The following PAPOLG variants were observed in gnomAD, a reference collection of about 807,000 sequenced individuals.
PAPOLG encodes poly(A) polymerase gamma, also known as PAP-gamma.
Under a neutral mutation model 99.0 loss-of-function variants are expected in PAPOLG, and 40 were observed. That is an observed-to-expected ratio of 0.40 (90% CI 0.31 to 0.53). The LOEUF (loss-of-function observed/expected upper bound fraction) is 0.53, where lower values mean the gene tolerates loss of function less well. Ranked by LOEUF, PAPOLG falls within the 20% of genes least tolerant of loss-of-function variation. The pLI is 0.41. For synonymous variants in PAPOLG, 310 were observed against 299.3 expected, an observed-to-expected ratio of 1.04 and a Z score of -0.37; for missense variants, 675 against 884.1, an observed-to-expected ratio of 0.76 and a Z score of 3.00.
At chr2:60,780,811 C>G in intron 10 of PAPOLG, 32 bp downstream of exon 10, 1 of 1,521,050 alleles carries the variant, frequency 6.6e-7, no homozygotes. Context: ...TTCTTTAAAG[C>G]TTTTAAGGAA....
At position 60,799,367 on chromosome 2, in the gene PAPOLG, A is replaced by G. The variant is rs1233155257; in HGVS notation, c.*2207A>G. 1 of 152,392 alleles carries G rather than the reference A, an allele frequency of 6.6e-6. No homozygotes were observed. The highest frequency in any genetic ancestry group is 1.5e-5 in the Non-Finnish European group (1 of 68,046). The allele number at this position is 152,392 out of a possible 1,614,324, so 9.4% of individuals were successfully genotyped here. On this transcript the variant is annotated 3_prime_UTR_variant, in exon 22 of 22. Coordinates refer to ENST00000238714, the MANE Select transcript of PAPOLG (RefSeq NM_022894.4). ...CCATTCAACATGTCAATGAGTCAAC[A>G]TTAGAGTCCTCAAAGATAGCATTCT... is the stretch of plus-strand genomic sequence containing the variant.
chr2:60,783,450 C>G (rs542404505), intron 13 of PAPOLG, among the ~76,000 whole-genome samples: 1 of 144,672 alleles, frequency 6.9e-6, no homozygotes, highest in African/African-American at 2.6e-5. Flanking sequence ...ATCCGCCCAC[C>G]TCAGCCTCCC....
chr2:60,768,699 T>C, intron 4 of PAPOLG, 82 bp from the exon 5 acceptor site: 2 of 1,377,802 alleles, frequency 1.5e-6, no homozygotes, highest in Admixed American at 2.5e-5. Flanking sequence ...CCATACTTTC[T>C]TCTGTACATA....
rs113662709 is a variant in PAPOLG, at chr2:60,774,589, C to T, written c.605-445C>T. Among the ~76,000 whole-genome samples the T allele has an allele frequency of 2.1e-3, 313 of 152,220 alleles. 1 individual carries two copies. The highest frequency in any genetic ancestry group is 7.1e-3 in the African/African-American group (295 of 41,532). On this transcript the variant is annotated intron_variant, in intron 7 of 21. Transcript: ENST00000238714. ...CCATTTTGGCCAGACTGGTCTCGAG[C>T]GCCTGACCTCAGGTGATCCACCCAC...
chr2:60,773,269 A>G (rs1477214080), intron 7 of PAPOLG, among the ~76,000 whole-genome samples: 1 of 152,126 alleles, frequency 6.6e-6, no homozygotes, highest in Non-Finnish European at 1.5e-5. Context: ...AGAATATTTT[A>G]TCACCCTCAA....
In PAPOLG at chr2:60,796,208, CTTTTTTTTTTTTTT is replaced by C. The variant is rs66526788; in HGVS notation, c.2113-841_2113-828del. ...TTACAGAAGTCTAGATTTTGCCTTC[CTTTTTTTTTTTTTT>C]TTTTTTTTTTTTGGACATGGAGGCT... On this transcript the variant is annotated intron_variant, in intron 21 of 21. Transcript: ENST00000238714. Among the ~76,000 whole-genome samples the C allele has an allele frequency of 1.1e-4, 12 of 110,336 alleles. No individual in the cohort carries two copies. The East Asian group carries it at 3.0e-3, about 28-fold the overall frequency. 72.4% of individuals were successfully genotyped at this position (110,336 alleles called of 152,430 possible). A position where few individuals can be genotyped will look rare whatever the true frequency, so the allele number is the denominator to read the frequency against.
chr2:60,780,898 T>C, intron 10 of PAPOLG, 119 bp downstream of exon 10: 1 of 813,628 alleles, frequency 1.2e-6, no homozygotes, highest in Non-Finnish European at 2.0e-6. Flanking sequence ...ATAACTATAG[T>C]CCCCTTCCTC....
intron 11 of PAPOLG, 114 bp from the exon 12 acceptor site, chr2:60,782,572 A>C: frequency 1.5e-6 from 2 of 1,349,612 alleles, no homozygotes; most frequent in Non-Finnish European, 1.9e-6. Flanking sequence ...AAGAAAAAAA[A>C]AAATTTCGTC....
intron 15 of PAPOLG, 99 bp from the exon 16 acceptor site, chr2:60,791,662 T>A: frequency 7.0e-7 from 1 of 1,429,218 alleles, no homozygotes; most frequent in Non-Finnish European, 9.4e-7. Context: ...CCGGTGGTGA[T>A]AGTGGGGAGA....
In PAPOLG at chr2:60,769,029, A is replaced by G. The variant is rs546406318; in HGVS notation, c.438+139A>G. On this transcript the variant is annotated intron_variant, in intron 5 of 21. Coordinates refer to ENST00000238714, the MANE Select transcript of PAPOLG (RefSeq NM_022894.4). ...ATAAGAGTAGCTTTAATAAGTGATG[A>G]TTAAATCATGATTAAGAACATGGGC... The G allele has an allele frequency of 1.5e-5, 10 of 680,792 alleles. No individual in the cohort carries two copies. In the African/African-American group the frequency reaches 1.5e-4, roughly 10 times the overall value. The allele number at this position is 680,792 out of a possible 1,614,324, so 42.2% of individuals were successfully genotyped here. A position where few individuals can be genotyped will look rare whatever the true frequency, so the allele number is the denominator to read the frequency against.
chr2:60,780,923 TTTG>T, intron 10 of PAPOLG, 144 bp downstream of exon 10: 1 of 676,228 alleles, frequency 1.5e-6, no homozygotes, highest in Admixed American at 2.9e-5. Context: ...TGCTGTGGTT[TTTG>T]TTTTGTTTTT....
chr2:60,761,841 T>C (rs965088699), intron 3 of PAPOLG, 34 bp downstream of exon 3: 1 of 1,451,780 alleles, frequency 6.9e-7, no homozygotes. Flanking sequence ...TTCTTGTTTT[T>C]ATTATATCTT....
intron 5 of PAPOLG, 53 bp downstream of exon 5, chr2:60,768,943 T>C: frequency 1.5e-6 from 2 of 1,327,900 alleles, no homozygotes; most frequent in Non-Finnish European, 1.0e-6. Flanking sequence ...AACAAATATC[T>C]ATAAAAACTA....
At chr2:60,789,977 C>G (rs185772726) in intron 15 of PAPOLG, among the ~76,000 whole-genome samples, 2 of 152,226 alleles carry the variant, frequency 1.3e-5, no homozygotes, top group Non-Finnish European at 2.9e-5. Context: ...GCCTGTAATC[C>G]CAGCTATTCC....
intron 7 of PAPOLG, among the ~76,000 whole-genome samples, chr2:60,773,461 T>G (rs1573231452): frequency 6.6e-6 from 1 of 152,218 alleles, no homozygotes; most frequent in East Asian, 1.9e-4. Context: ...TATCTGTATT[T>G]GTTCCGTTTT....
chr2:60,768,498 T>C lies in PAPOLG; in HGVS notation c.275T>C (p.Val92Ala). ...CTCCCACCTTCTGTTGTGGCTACTG[T>C]TGGTGGTAAAATTTTCACATTTGGA... ...KNLPPSVVAT[V>A]GGKIFTFGSY... The change falls in exon 4 of 22, where the codon GTT (valine) becomes GCT (alanine). Residue 92 changes from valine (V) to alanine (A), a missense_variant. Transcript: ENST00000238714. 6.2e-7 allele frequency: 1 copy of C among 1,614,066 alleles called. No individual in the cohort carries two copies. The highest frequency in any genetic ancestry group is 1.1e-5 in the South Asian group (1 of 91,082).
chr2:60,765,694 A>G (rs918000248), intron 3 of PAPOLG, among the ~76,000 whole-genome samples: 4 of 152,218 alleles, frequency 2.6e-5, no homozygotes, highest in Non-Finnish European at 5.9e-5. Flanking sequence ...GGCTGTGGCA[A>G]ACTGATTTAG....
intron 1 of PAPOLG, among the ~76,000 whole-genome samples, chr2:60,758,595 T>A (rs1163102176): frequency 6.6e-6 from 1 of 151,886 alleles, no homozygotes; most frequent in Non-Finnish European, 1.5e-5. Flanking sequence ...GCCCAGCTAA[T>A]TTTTTGTATT....
At position 60,780,920 on chromosome 2, in the gene PAPOLG, GTTTTTGTTTTGT is replaced by G. The variant is rs1671169454; in HGVS notation, c.906+149_906+160del. On this transcript the variant is annotated intron_variant, in intron 10 of 21. Coordinates refer to ENST00000238714, the MANE Select transcript of PAPOLG (RefSeq NM_022894.4). ...TAGTCCCCTTCCTCCTTCTGCTGTG[GTTTTTGTTTTGT>G]TTTTTGTGCAGATGATTAGGATCAC... 8 of 683,618 alleles carry G rather than the reference GTTTTTGTTTTGT, an allele frequency of 1.2e-5. No homozygotes were observed. The South Asian group carries it at 1.3e-4, about 11-fold the overall frequency. 42.3% of individuals were successfully genotyped at this position (683,618 alleles called of 1,614,324 possible).
Sources: allele counts gnomAD v4.1 joint callset (sites outside exome capture counted in the v4.1 genomes callset), GRCh38; gene constraint gnomAD v4.1.1; transcripts MANE v1.5; gene names NCBI Gene and HGNC (gene_info 2026-07-23, HGNC 2026-07-21).